Variants in COL23A1 observed in about 807,000 individuals in gnomAD.
COL23A1 encodes collagen type XXIII alpha 1 chain.
COL23A1 carries 97 observed loss-of-function variants against 99.3 expected under a neutral mutation model. The ratio of observed to expected loss-of-function variants is 0.98; its 90% CI spans 0.83 to 1.16. The LOEUF is 1.16. COL23A1 is among the 50% of genes most tolerant of loss of function. The pLI, the probability that COL23A1 is intolerant of heterozygous loss-of-function variation, is 0.00. For missense variants in COL23A1, 762 were observed against 757.4 expected (o/e 1.01, Z -0.07); for synonymous variants, 320 against 308.2 (o/e 1.04, Z -0.40).
At chr5:178,553,149 G>A (rs940146594) in intron 2 of COL23A1, among the ~76,000 whole-genome samples, 15 of 139,180 alleles carry the variant, frequency 1.1e-4, no homozygotes, top group Admixed American at 3.1e-4. Context: ...CTGCCTGGCC[G>A]ACAGAGTGAG....
chr5:178,498,123 T>C (rs1399073066), intron 2 of COL23A1, among the ~76,000 whole-genome samples: 1 of 147,074 alleles, frequency 6.8e-6, no homozygotes, highest in Non-Finnish European at 1.5e-5. Flanking sequence ...TCCCAGCAGT[T>C]TGGGAGGCCA....
intron 5 of COL23A1, among the ~76,000 whole-genome samples, chr5:178,287,023 C>T (rs533911765): frequency 2.6e-5 from 4 of 152,360 alleles, no homozygotes; most frequent in South Asian, 2.1e-4. Flanking sequence ...ACTGGTACAG[C>T]GAATAATGCC....
In COL23A1 at chr5:178,513,271, CCTT is replaced by C. The variant is rs1385321972; in HGVS notation, c.361+47408_361+47410del. Among the ~76,000 whole-genome samples the C allele has an allele frequency of 5.3e-5, 8 of 152,300 alleles. No individual in the cohort carries two copies. In the South Asian group the frequency reaches 1.7e-3, roughly 32 times the overall value. ...ACCATGCACTGTGCCGAGTGCTGCC[CCTT>C]CTTAACTCACTTACATCCCCCCTGC... is the stretch of plus-strand genomic sequence containing the variant. On this transcript the variant is annotated intron_variant, in intron 2 of 28. Coordinates refer to ENST00000390654, the MANE Select transcript of COL23A1 (RefSeq NM_173465.4).
intron 2 of COL23A1, among the ~76,000 whole-genome samples, chr5:178,339,917 A>G (rs1760558019): frequency 6.6e-6 from 1 of 152,132 alleles, no homozygotes; most frequent in African/African-American, 2.4e-5. Flanking sequence ...AACATGTACA[A>G]TTTTTGCCTT....
In COL23A1 at chr5:178,308,576, A is replaced by AG. The variant is rs1228353363; in HGVS notation, c.362-1658dup. On this transcript the variant is annotated intron_variant, in intron 2 of 28. Transcript: ENST00000390654. The surrounding 1 kb of genome is among the most constrained non-coding windows in gnomAD (Gnocchi z 5.1). ...ATACTGTGTGGGTTTACAGCTTATG[A>AG]GGCACCTCCAGGCCCATGCTCCTGG... is the stretch of plus-strand genomic sequence containing the variant. 6.6e-6 allele frequency among the ~76,000 whole-genome samples: 1 copy of AG among 152,112 alleles called. No homozygotes were observed. Among genetic ancestry groups the AG allele is most frequent in the African/African-American group, 2.4e-5 (1 of 41,422 alleles).
At position 178,288,332 on chromosome 5, in the gene COL23A1, C is replaced by G. The variant is rs747809230; in HGVS notation, c.433G>C (p.Gly145Arg). ...PGPPGQSGRD[G>R]YPGPLGLDGK... is the part of the protein sequence containing the mutation. ...AATAAATGACAAATTACCGGGTAGC[C>G]ATCTCGTCCTGATTGCCCCTGTGGT... The change falls in exon 5 of 29, where the codon GGC (glycine) becomes CGC (arginine). Residue 145 changes from glycine to arginine, a missense_variant. Gly to Arg is a moderately radical substitution (Grantham distance 125). Coordinates refer to ENST00000390654, the MANE Select transcript of COL23A1 (RefSeq NM_173465.4). 7 of 1,611,350 alleles carry G rather than the reference C, an allele frequency of 4.3e-6. No individual in the cohort carries two copies. Among genetic ancestry groups the G allele is most frequent in the Non-Finnish European group, 8.5e-7 (1 of 1,177,468 alleles).
At position 178,415,209 on chromosome 5, in the gene COL23A1, G is replaced by T. The variant is rs981757511; in HGVS notation, c.362-108290C>A. 3.2e-4 allele frequency among the ~76,000 whole-genome samples: 49 copies of T among 152,172 alleles called. No individual in the cohort carries two copies. Among genetic ancestry groups the T allele is most frequent in the Admixed American group, 3.2e-3 (49 of 15,268 alleles). On this transcript the variant is annotated intron_variant, in intron 2 of 28. Transcript: ENST00000390654. This position sits in a 1 kb window ranked among gnomAD's most constrained non-coding sequence, Gnocchi z 4.6. The stretch of plus-strand genomic sequence containing the variant: ...CAAGGATCCTGGCATCTTGCTTGGT[G>T]CAATGACACACTCTTTTCTCCAGTG...
intron 2 of COL23A1, among the ~76,000 whole-genome samples, chr5:178,373,720 C>T (rs757580220): frequency 2.6e-4 from 39 of 152,170 alleles, no homozygotes; most frequent in Non-Finnish European, 4.7e-4. Context: ...TTGGCCCTGC[C>T]GTGCACTTTA....
At chr5:178,262,081 C>G in intron 10 of COL23A1, 136 bp downstream of exon 10, 1 of 965,696 alleles carries the variant, frequency 1.0e-6, no homozygotes, top group Non-Finnish European at 1.6e-6. Flanking sequence ...CATGCAGACA[C>G]GTACATGCAG....
intron 2 of COL23A1, among the ~76,000 whole-genome samples, chr5:178,420,359 C>G (rs1010834108): frequency 2.7e-5 from 4 of 149,204 alleles, no homozygotes; most frequent in African/African-American, 5.0e-5. Flanking sequence ...CTCCCCTGCC[C>G]CTCCTCTCTT....
At chr5:178,447,176 C>T (rs910186221) in intron 2 of COL23A1, among the ~76,000 whole-genome samples, 2 of 151,994 alleles carry the variant, frequency 1.3e-5, no homozygotes, top group Non-Finnish European at 2.9e-5. Context: ...TCACTGCAAC[C>T]TCCATCTCCC....
At chr5:178,263,684 C>T (rs1765759581) in intron 8 of COL23A1, among the ~76,000 whole-genome samples, 1 of 152,208 alleles carries the variant, frequency 6.6e-6, no homozygotes, top group South Asian at 2.1e-4. Flanking sequence ...TGAGTGTCTC[C>T]TGAAGGACCT....
intron 2 of COL23A1, among the ~76,000 whole-genome samples, chr5:178,314,657 G>A (rs376279382): frequency 2.6e-5 from 4 of 152,164 alleles, no homozygotes; most frequent in East Asian, 1.9e-4. Context: ...AGCAAGAGCC[G>A]CCGGCACCAT....
At position 178,498,236 on chromosome 5, in the gene COL23A1, ATATATATATATATATAT is replaced by A. The variant is rs1562025571; in HGVS notation, c.361+62429_361+62445del. On this transcript the variant is annotated intron_variant, in intron 2 of 28. Transcript: ENST00000390654. ...TATATATATATATATATATATATAT[ATATATATATATATATAT>A]ATATAAAAGAACTTAAAAATAAAAA... is the stretch of plus-strand genomic sequence containing the variant. 2.2e-3 allele frequency among the ~76,000 whole-genome samples: 137 copies of A among 63,014 alleles called. 7 individuals are homozygous for A. The East Asian group carries it at 0.072, about 33-fold the overall frequency. 41.3% of individuals were successfully genotyped at this position (63,014 alleles called of 152,430 possible). A position where few individuals can be genotyped will look rare whatever the true frequency, so the allele number is the denominator to read the frequency against.
At chr5:178,363,616 GAATTA>G (rs1475246959) in intron 2 of COL23A1, among the ~76,000 whole-genome samples, 15 of 152,136 alleles carry the variant, frequency 9.9e-5, no homozygotes, top group Admixed American at 1.3e-4. Context: ...AAATACACTG[GAATTA>G]AACACTCCCT....
intron 2 of COL23A1, among the ~76,000 whole-genome samples, chr5:178,400,210 C>CA (rs1044679111): frequency 4.0e-5 from 6 of 151,584 alleles, no homozygotes; most frequent in Non-Finnish European, 8.8e-5. Flanking sequence ...ACTAAAAATA[C>CA]AAAAAAATTA....
At chr5:178,470,126 A>T (rs1389870975) in intron 2 of COL23A1, among the ~76,000 whole-genome samples, 1 of 152,226 alleles carries the variant, frequency 6.6e-6, no homozygotes, top group Non-Finnish European at 1.5e-5. Context: ...TCTGCCTAAC[A>T]GAGCAGCTGG....
chr5:178,457,497 G>A (rs180671014), intron 2 of COL23A1, among the ~76,000 whole-genome samples: 2,557 of 152,194 alleles, frequency 0.017, 78 homozygotes, highest in African/African-American at 0.058. Flanking sequence ...TTACAGGCAC[G>A]AACCACTACG....
At chr5:178,536,915 T>C (rs1760996499) in intron 2 of COL23A1, among the ~76,000 whole-genome samples, 2 of 152,178 alleles carry the variant, frequency 1.3e-5, no homozygotes, top group Non-Finnish European at 2.9e-5. Flanking sequence ...TGGGCTGATT[T>C]ATGGTTCTAC....
Sources: gnomAD v4.1 joint callset for allele counts (sites outside exome capture counted in the v4.1 genomes callset) on GRCh38, gnomAD v4.1.1 for gene constraint, Gnocchi (gnomAD v3.1) non-coding constraint, MANE v1.5 for transcripts, NCBI Gene and HGNC (gene_info 2026-07-23, HGNC 2026-07-21) for gene names.